AMZ1: variants seen among roughly 807,000 people sequenced by gnomAD.
AMZ1 encodes the protein archaemetzincin-1.
In AMZ1, 39 loss-of-function variants were observed where a neutral mutation model predicts 29.9. The observed-to-expected ratio is 1.30, with a 90% CI of 1.01 to 1.70. AMZ1 has a LOEUF of 1.70. Ranked by LOEUF, AMZ1 falls within the 40% of genes most tolerant of loss-of-function variation. AMZ1 has a pLI of 0.00. For synonymous variants in AMZ1, 458 were observed against 304.0 expected (o/e 1.51, Z -5.27); for missense variants, 1,041 against 680.6 (o/e 1.53, Z -5.89).
rs1434736821 is a variant in AMZ1 at position 2,714,114 on chromosome 7, G to T, written c.*1236G>T. 3 of 152,226 alleles carry T rather than the reference G, an allele frequency of 2.0e-5. No homozygotes were observed. The highest frequency in any genetic ancestry group is 6.5e-5 in the Admixed American group (1 of 15,280). The allele number at this position is 152,226 out of a possible 1,614,324, so 9.4% of individuals were successfully genotyped here. A position where few individuals can be genotyped will look rare whatever the true frequency, so the allele number is the denominator to read the frequency against. ...GTCACACGTACCCCCTCAGCCTGTG[G>T]TGGAGGGTCTCTGGGAGAGAGACTT... On this transcript the variant is annotated 3_prime_UTR_variant, in exon 7 of 7. Transcript: ENST00000683327.
At chr7:2,697,884 G>A (rs925133412) in intron 1 of AMZ1, among the ~76,000 whole-genome samples, 1 of 152,154 alleles carries the variant, frequency 6.6e-6, no homozygotes, top group African/African-American at 2.4e-5. Flanking sequence ...GATCTCAGTG[G>A]AAATTCAGTA....
rs758064270 is a variant in AMZ1, at chr7:2,712,403, A to G, written c.1022A>G (p.Glu341Gly). The change falls in exon 7 of 7, where the codon GAG (glutamate) becomes GGG (glycine). Residue 341 changes from glutamate to glycine, a missense_variant. Coordinates refer to ENST00000683327, the MANE Select transcript of AMZ1 (RefSeq NM_001384743.1). ...GAGGCGGGGGAGCCGTCAGTGTGGG[A>G]GGACACCCCGCCTGCCAGCGCCGAC... is the stretch of plus-strand genomic sequence containing the variant. ...SQEAGEPSVWEDTPPASADSG... is the reference protein window; with the variant it reads ...SQEAGEPSVWGDTPPASADSG... 2 of 1,611,230 alleles carry G rather than the reference A, an allele frequency of 1.2e-6. No individual in the cohort carries two copies. Among genetic ancestry groups the G allele is most frequent in the African/African-American group, 2.7e-5 (2 of 74,916 alleles).
intron 4 of AMZ1, among the ~76,000 whole-genome samples, chr7:2,733,145 T>G (rs764478016): frequency 2.0e-5 from 3 of 152,216 alleles, no homozygotes; most frequent in Non-Finnish European, 4.4e-5. Flanking sequence ...GGGGTTTCAT[T>G]AGACTATTTG....
At chr7:2,699,614 G>C (rs747101783) in intron 1 of AMZ1, among the ~76,000 whole-genome samples, 122 of 152,274 alleles carry the variant, frequency 8.0e-4, no homozygotes, top group Non-Finnish European at 4.9e-4. Context: ...GCCGTGATGG[G>C]AGTTCTTGGG....
chr7:2,680,814 C>A (rs1183215637), intron 1 of AMZ1, among the ~76,000 whole-genome samples: 1 of 152,252 alleles, frequency 6.6e-6, no homozygotes, highest in Non-Finnish European at 1.5e-5. Flanking sequence ...CTGATGGATG[C>A]TGGGCCTCCC....
chr7:2,688,574 C>T (rs1787192009), intron 1 of AMZ1, among the ~76,000 whole-genome samples: 1 of 152,200 alleles, frequency 6.6e-6, no homozygotes, highest in African/African-American at 2.4e-5. Flanking sequence ...CCCCTCCCCG[C>T]CATCCTCTCC....
intron 4 of AMZ1, among the ~76,000 whole-genome samples, chr7:2,732,328 C>T (rs1789938223): frequency 1.3e-5 from 2 of 152,140 alleles, no homozygotes; most frequent in African/African-American, 4.8e-5. Context: ...GGAGGAATAC[C>T]TTGAGCCCAG....
At chr7:2,681,988 C>G (rs903919792) in intron 1 of AMZ1, among the ~76,000 whole-genome samples, 1 of 152,152 alleles carries the variant, frequency 6.6e-6, no homozygotes, top group South Asian at 2.1e-4. Context: ...GGGGAGCGGG[C>G]TAAGGGCCCC....
chr7:2,752,142 G>C (rs867259169), intron 4 of AMZ1, among the ~76,000 whole-genome samples: 1 of 151,844 alleles, frequency 6.6e-6, no homozygotes, highest in South Asian at 2.1e-4. Context: ...AATGTCAATA[G>C]AAGACAGCCA....
upstream of AMZ1, among the ~76,000 whole-genome samples, chr7:2,761,084 A>C (rs1791531717): frequency 6.6e-6 from 1 of 152,220 alleles, no homozygotes; most frequent in African/African-American, 2.4e-5. Flanking sequence ...CGCATCTCAT[A>C]GAAAGCATTT....
At chr7:2,688,744 G>A (rs1425141316) in intron 1 of AMZ1, among the ~76,000 whole-genome samples, 1 of 152,204 alleles carries the variant, frequency 6.6e-6, no homozygotes, top group Non-Finnish European at 1.5e-5. Flanking sequence ...ATCTCGTCGT[G>A]CCCAGGGCTC....
chr7:2,717,842 G>C lies in AMZ1; in HGVS notation c.*4964G>C, dbSNP rs988237917. ...GTAGGGAGGCAAATGAAAACAGGCT[G>C]ATGTCAGGGGTTTATTTTAAAAAGC... On this transcript the variant is annotated 3_prime_UTR_variant, in exon 7 of 7. Transcript: ENST00000683327. Among the ~76,000 whole-genome samples, 1 of 152,218 alleles carries C rather than the reference G, an allele frequency of 6.6e-6. No individual in the cohort carries two copies. The highest frequency in any genetic ancestry group is 1.5e-5 in the Non-Finnish European group (1 of 68,034).
rs201929124 is a variant in AMZ1, at chr7:2,709,853, C to A, written c.948+37C>A. Reference sequence around the variant, plus strand: ...AGTTGCGCTGCCCGGCTGCTGGGACCTGCGCTCCGGAGGCCCGCGAGCGCC... The same window carrying A: ...AGTTGCGCTGCCCGGCTGCTGGGACATGCGCTCCGGAGGCCCGCGAGCGCC... On this transcript the variant is annotated intron_variant, in intron 6 of 6. Coordinates refer to ENST00000683327, the MANE Select transcript of AMZ1 (RefSeq NM_001384743.1). 6.2e-6 allele frequency: 10 copies of A among 1,604,160 alleles called. No individual in the cohort carries two copies. The East Asian group carries it at 2.2e-4, about 36-fold the overall frequency.
intron 1 of AMZ1, among the ~76,000 whole-genome samples, chr7:2,691,074 A>AGG (rs561858007): frequency 0.015 from 2,159 of 144,074 alleles, 60 homozygotes; most frequent in African/African-American, 0.056. Context: ...CCTGGAGGAG[A>AGG]AGGAGGTTGC....
intron 4 of AMZ1, among the ~76,000 whole-genome samples, chr7:2,734,687 T>C (rs1790069914): frequency 6.6e-6 from 1 of 152,230 alleles, no homozygotes; most frequent in African/African-American, 2.4e-5. Flanking sequence ...CTTCCTACTT[T>C]AGAACGAAGG....
downstream of AMZ1, among the ~76,000 whole-genome samples, chr7:2,722,836 G>A (rs1002687775): frequency 1.3e-5 from 2 of 152,048 alleles, no homozygotes; most frequent in African/African-American, 4.8e-5. Flanking sequence ...AGCCAGGTGC[G>A]GGTGGTGGCC....
chr7:2,762,722 G>A (rs1791621790), upstream of AMZ1: 1 of 1,560,944 alleles, frequency 6.4e-7, no homozygotes, highest in Non-Finnish European at 8.7e-7. Flanking sequence ...AGGGAAGCAG[G>A]CCCCATGTCC....
chr7:2,719,855 G>A (rs934514392), downstream of AMZ1, among the ~76,000 whole-genome samples: 15 of 151,936 alleles, frequency 9.9e-5, no homozygotes, highest in Non-Finnish European at 2.2e-4. Flanking sequence ...GCTAATTTTT[G>A]TATTTTTAGT....
chr7:2,723,896 C>G (rs957656498), downstream of AMZ1, among the ~76,000 whole-genome samples: 1 of 152,158 alleles, frequency 6.6e-6, no homozygotes, highest in Non-Finnish European at 1.5e-5. Flanking sequence ...TAAACTTTCC[C>G]TCGACTGGAC....
Sources: allele counts gnomAD v4.1 joint callset (sites outside exome capture counted in the v4.1 genomes callset), GRCh38; gene constraint gnomAD v4.1.1; transcripts MANE v1.5; gene names NCBI Gene and HGNC (gene_info 2026-07-23, HGNC 2026-07-21).